The following VEPH1 variants were observed in gnomAD, a reference collection of about 807,000 sequenced individuals.
VEPH1 encodes the protein ventricular zone-expressed PH domain-containing protein homolog 1.
In VEPH1, 80 loss-of-function variants were observed where a neutral mutation model predicts 85.2. That is an observed-to-expected ratio of 0.94 (90% CI 0.78 to 1.13). The LOEUF is 1.13. Among genes scored for constraint, VEPH1 ranks in the 50% most tolerant of loss-of-function variants. The pLI is 0.00. For missense variants in VEPH1, 955 were observed against 980.5 expected, an observed-to-expected ratio of 0.97 and a Z score of 0.35; for synonymous variants, 297 against 348.0, an observed-to-expected ratio of 0.85 and a Z score of 1.63.
chr3:157,438,507 TC>T (rs1733855653), intron 4 of VEPH1, among the ~76,000 whole-genome samples: 1 of 151,838 alleles, frequency 6.6e-6, no homozygotes, highest in East Asian at 1.9e-4. Flanking sequence ...TCTTCAGGGG[TC>T]CCCCAGCCCC....
chr3:157,284,668 G>A (rs56362384), intron 12 of VEPH1, among the ~76,000 whole-genome samples: 33,486 of 142,084 alleles, frequency 0.24, 3,838 homozygotes, highest in Non-Finnish European at 0.27. Context: ...GGGTTTTGGT[G>A]AAAAAAAAAA....
intron 12 of VEPH1, among the ~76,000 whole-genome samples, chr3:157,275,134 GT>G: frequency 6.6e-6 from 1 of 152,274 alleles, no homozygotes; most frequent in Admixed American, 6.5e-5. Context: ...GCTTATGCCA[GT>G]TTTGTCTTGA....
chr3:157,501,386 G>C (rs759039216), intron 1 of VEPH1, among the ~76,000 whole-genome samples: 2 of 152,212 alleles, frequency 1.3e-5, no homozygotes, highest in African/African-American at 4.8e-5. Flanking sequence ...AAATGGGCTA[G>C]AATACAATGT....
chr3:157,434,766 AT>A (rs1233425736), intron 4 of VEPH1, among the ~76,000 whole-genome samples: 6 of 150,686 alleles, frequency 4.0e-5, no homozygotes, highest in South Asian at 2.1e-4. Flanking sequence ...TCCTTCATTA[AT>A]TTTTTTTTCA....
chr3:157,344,531 A>G (rs1324176647), intron 9 of VEPH1, among the ~76,000 whole-genome samples: 1 of 152,268 alleles, frequency 6.6e-6, no homozygotes, highest in Non-Finnish European at 1.5e-5. Flanking sequence ...ATAAAAGAGG[A>G]TACAAACAAA....
intron 9 of VEPH1, among the ~76,000 whole-genome samples, chr3:157,354,119 G>A (rs1200756008): frequency 6.6e-6 from 1 of 152,170 alleles, no homozygotes; most frequent in Non-Finnish European, 1.5e-5. Flanking sequence ...GCACCAATGT[G>A]TCGCTGTGGT....
intron 4 of VEPH1, chr3:157,436,904 C>G (rs748394545): frequency 6.2e-7 from 1 of 1,607,854 alleles, no homozygotes; most frequent in East Asian, 2.2e-5. Flanking sequence ...CTCCCGCCAG[C>G]TGTGGAAAGA....
chr3:157,432,931 T>G (rs1224066178), intron 4 of VEPH1, among the ~76,000 whole-genome samples: 1 of 152,104 alleles, frequency 6.6e-6, no homozygotes, highest in Non-Finnish European at 1.5e-5. Flanking sequence ...AATAAGGTGT[T>G]ATAATTAGCT....
intron 4 of VEPH1, among the ~76,000 whole-genome samples, chr3:157,438,770 A>G (rs1053852322): frequency 1.3e-5 from 2 of 152,248 alleles, no homozygotes; most frequent in African/African-American, 4.8e-5. Flanking sequence ...GATGGTTAAA[A>G]GAAAGAAATA....
intron 9 of VEPH1, among the ~76,000 whole-genome samples, chr3:157,339,820 T>C (rs1723335202): frequency 6.6e-6 from 1 of 152,238 alleles, no homozygotes; most frequent in African/African-American, 2.4e-5. Context: ...ACCCCTTCAC[T>C]GTTTTATGGT....
intron 5 of VEPH1, among the ~76,000 whole-genome samples, chr3:157,421,727 G>T (rs75976981): frequency 0.015 from 2,215 of 152,292 alleles, 29 homozygotes; most frequent in Middle Eastern, 0.037. Flanking sequence ...AGGGGTGCTG[G>T]CAGCAGGAAC....
At chr3:157,359,850 AG>A (rs1487840435) in intron 9 of VEPH1, among the ~76,000 whole-genome samples, 3 of 152,188 alleles carry the variant, frequency 2.0e-5, no homozygotes, top group Non-Finnish European at 1.5e-5. Flanking sequence ...TTTCTTTCAA[AG>A]GTTGTTTTGT....
chr3:157,320,280 T>C (rs1156485427), intron 9 of VEPH1, among the ~76,000 whole-genome samples: 1 of 152,098 alleles, frequency 6.6e-6, no homozygotes, highest in African/African-American at 2.4e-5. Flanking sequence ...CACATAATAA[T>C]GACTGCTCAC....
chr3:157,423,847 T>C (rs1732535925), intron 5 of VEPH1, among the ~76,000 whole-genome samples: 1 of 152,240 alleles, frequency 6.6e-6, no homozygotes, highest in South Asian at 2.1e-4. Flanking sequence ...ATAACTATTC[T>C]TTCTTGCCTT....
At chr3:157,331,259 T>G (rs1426440647) in intron 9 of VEPH1, among the ~76,000 whole-genome samples, 1 of 152,144 alleles carries the variant, frequency 6.6e-6, no homozygotes, top group Non-Finnish European at 1.5e-5. Flanking sequence ...CCGTCTGGAG[T>G]TCGGCAATAC....
intron 12 of VEPH1, among the ~76,000 whole-genome samples, chr3:157,282,838 C>T (rs891392884): frequency 2.6e-5 from 4 of 152,208 alleles, no homozygotes; most frequent in Non-Finnish European, 5.9e-5. Context: ...AATCTCCTTG[C>T]TCAATCTCCA....
intron 6 of VEPH1, among the ~76,000 whole-genome samples, chr3:157,407,795 G>A (rs6803628): frequency 0.68 from 104,041 of 152,036 alleles, 36,098 homozygotes; most frequent in East Asian, 0.78. Context: ...TAAAGTGCTG[G>A]CATTTATCAA....
In VEPH1 at chr3:157,503,121, C is replaced by G. The variant is rs1049346603; in HGVS notation, c.-158+156G>C. 7.9e-5 allele frequency among the ~76,000 whole-genome samples: 12 copies of G among 152,130 alleles called. 1 individual carries two copies. Among genetic ancestry groups the G allele is most frequent in the African/African-American group, 2.9e-4 (12 of 41,420 alleles). ...GCATACATGGCTAGACACACAGCTC[C>G]CAAATGTGCTTTATCTGCATAATCA... is the stretch of plus-strand genomic sequence containing the variant. On this transcript the variant is annotated intron_variant, in intron 1 of 13. Transcript: ENST00000362010.
intron 2 of VEPH1, among the ~76,000 whole-genome samples, chr3:157,494,097 A>G (rs1282783258): frequency 6.6e-6 from 1 of 152,180 alleles, no homozygotes; most frequent in East Asian, 1.9e-4. Context: ...TACCTGAGAA[A>G]AGAAGAGTTT....
Sources: gnomAD v4.1 joint callset for allele counts (sites outside exome capture counted in the v4.1 genomes callset) on GRCh38, gnomAD v4.1.1 for gene constraint, MANE v1.5 for transcripts, NCBI Gene and HGNC (gene_info 2026-07-23, HGNC 2026-07-21) for gene names.